Variants in PCDH9 observed in about 807,000 individuals in gnomAD.
PCDH9 encodes the protein protocadherin 9, also known as protocadherin-9.
Under a neutral mutation model 70.6 loss-of-function variants are expected in PCDH9, and 24 were observed. The ratio of observed to expected loss-of-function variants is 0.34; its 90% confidence interval spans 0.25 to 0.48. The LOEUF is 0.48. Among genes scored for constraint, PCDH9 ranks in the 20% least tolerant of loss-of-function variants. The pLI, the probability that PCDH9 is intolerant of heterozygous loss-of-function variation, is 0.99. For synonymous variants in PCDH9, 562 were observed against 558.5 expected, an observed-to-expected ratio of 1.01 and a Z score of -0.09; for missense variants, 1,281 against 1,503.6, an observed-to-expected ratio of 0.85 and a Z score of 2.45.
In PCDH9 at chr13:66,617,869, A is replaced by T. The variant is rs548653214; in HGVS notation, c.3340+13341T>A. Reference sequence around the variant, plus strand: ...GGGACCTCAGACTGCCGTTTCCACAAAACGGCGTCCCCTGTCAGCAGGAAG... The same window carrying T: ...GGGACCTCAGACTGCCGTTTCCACATAACGGCGTCCCCTGTCAGCAGGAAG... On this transcript the variant is annotated intron_variant, in intron 4 of 4. Coordinates refer to ENST00000377865, the MANE Select transcript of PCDH9 (RefSeq NM_203487.3). Among the ~76,000 whole-genome samples, 201 of 152,310 alleles carry T rather than the reference A, an allele frequency of 1.3e-3. 1 individual carries two copies. Among genetic ancestry groups the T allele is most frequent in the African/African-American group, 4.6e-3 (192 of 41,572 alleles).
chr13:67,181,221 A>G (rs1476911626), intron 2 of PCDH9, among the ~76,000 whole-genome samples: 1 of 152,176 alleles, frequency 6.6e-6, no homozygotes, highest in African/African-American at 2.4e-5. Flanking sequence ...GGGATTTATT[A>G]TTGAAATTTA....
rs199856609 is a variant in PCDH9 at position 66,652,503 on chromosome 13, A to AG, written c.3139-21093_3139-21092insC. Among the ~76,000 whole-genome samples, 1,082 of 152,158 alleles carry AG rather than the reference A, an allele frequency of 7.1e-3. 14 individuals are homozygous for AG. Among genetic ancestry groups the AG allele is most frequent in the African/African-American group, 0.025 (1,038 of 41,564 alleles). On this transcript the variant is annotated intron_variant, in intron 3 of 4. Transcript: ENST00000377865. ...AGAGGTCACACAAAAAAGGAAAGATATCTATGTTCATGAATTGGAAGAATC... is the reference window on the plus strand; with the variant it reads ...AGAGGTCACACAAAAAAGGAAAGATAGTCTATGTTCATGAATTGGAAGAATC...
chr13:66,777,846 G>A (rs186905952), intron 3 of PCDH9, among the ~76,000 whole-genome samples: 36 of 152,090 alleles, frequency 2.4e-4, no homozygotes, highest in African/African-American at 3.4e-4. Flanking sequence ...TGTTTCTTGC[G>A]GCACTATTCA....
chr13:66,368,626 G>C (rs565627040), intron 4 of PCDH9, among the ~76,000 whole-genome samples: 1 of 151,928 alleles, frequency 6.6e-6, no homozygotes, highest in South Asian at 2.1e-4. Context: ...TATATGGCTA[G>C]AGAGCAAATG....
intron 3 of PCDH9, among the ~76,000 whole-genome samples, chr13:66,703,626 G>C (rs1315380821): frequency 6.6e-6 from 1 of 152,146 alleles, no homozygotes; most frequent in Non-Finnish European, 1.5e-5. Context: ...TGCAGGGCGT[G>C]GTGGCTCATG....
At chr13:66,757,202 C>CTA (rs1487052483) in intron 3 of PCDH9, among the ~76,000 whole-genome samples, 1 of 152,170 alleles carries the variant, frequency 6.6e-6, no homozygotes, top group African/African-American at 2.4e-5. Flanking sequence ...CCTCTGTCTT[C>CTA]TAGAGCAACT....
chr13:66,661,309 T>C (rs2078005447), intron 3 of PCDH9, among the ~76,000 whole-genome samples: 1 of 152,202 alleles, frequency 6.6e-6, no homozygotes, highest in South Asian at 2.1e-4. Flanking sequence ...GCTAGGAGGA[T>C]GAGTGTCCTT....
intron 2 of PCDH9, among the ~76,000 whole-genome samples, chr13:66,961,833 A>C (rs1028691074): frequency 3.3e-5 from 5 of 151,940 alleles, no homozygotes; most frequent in Admixed American, 1.3e-4. Flanking sequence ...CGGGTGGCTC[A>C]CGAGATCAGG....
Position 66,507,457 on chromosome 13 carries a change from G to A in PCDH9, c.3340+123753C>T, listed in dbSNP as rs138469735. On this transcript the variant is annotated intron_variant, in intron 4 of 4. Transcript: ENST00000377865. ...TTATGCCACCCCTCTACTGTTTCTG[G>A]CCTATCCCATTTATCTCCTTTGTCA... is the stretch of plus-strand genomic sequence containing the variant. Among the ~76,000 whole-genome samples the A allele has an allele frequency of 2.6e-5, 4 of 152,152 alleles. No individual in the cohort carries two copies. In the East Asian group the frequency reaches 7.7e-4, roughly 29 times the overall value.
intron 4 of PCDH9, among the ~76,000 whole-genome samples, chr13:66,371,458 T>C (rs1309743119): frequency 6.6e-6 from 1 of 152,114 alleles, no homozygotes; most frequent in Non-Finnish European, 1.5e-5. Context: ...TTTCAAGGGA[T>C]ATATCTTTAG....
At chr13:66,456,831 C>CA (rs369666097) in intron 4 of PCDH9, among the ~76,000 whole-genome samples, 28 of 151,066 alleles carry the variant, frequency 1.9e-4, no homozygotes, top group Non-Finnish European at 3.2e-4. Flanking sequence ...GTGATTAGAC[C>CA]AAAAAAAATA....
intron 4 of PCDH9, among the ~76,000 whole-genome samples, chr13:66,495,897 T>C (rs1959108797): frequency 6.6e-6 from 1 of 152,220 alleles, no homozygotes; most frequent in African/African-American, 2.4e-5. Flanking sequence ...CAAATGACTC[T>C]ACTCATCTTT....
intron 2 of PCDH9, among the ~76,000 whole-genome samples, chr13:66,963,052 C>T (rs1462002001): frequency 6.6e-6 from 1 of 152,024 alleles, no homozygotes; most frequent in African/African-American, 2.4e-5. Flanking sequence ...AGGCACACAA[C>T]CTAGAACCCT....
Position 66,739,380 on chromosome 13 carries a change from C to G in PCDH9, c.3139-107969G>C, listed in dbSNP as rs2079216163. Among the ~76,000 whole-genome samples, 3 of 150,192 alleles carry G rather than the reference C, an allele frequency of 2.0e-5. No homozygotes were observed. The Admixed American group carries it at 2.0e-4, about 10-fold the overall frequency. ...AAGGAACAACCGGTACCAGCCGCTG[C>G]AAAATCATGCCAAAATATAAAGACC... On this transcript the variant is annotated intron_variant, in intron 3 of 4. Coordinates refer to ENST00000377865, the MANE Select transcript of PCDH9 (RefSeq NM_203487.3).
At chr13:67,058,357 T>C (rs1423869706) in intron 2 of PCDH9, among the ~76,000 whole-genome samples, 1 of 152,082 alleles carries the variant, frequency 6.6e-6, no homozygotes, top group Non-Finnish European at 1.5e-5. Context: ...ACACTCCTTA[T>C]CTTATTATAG....
intron 3 of PCDH9, among the ~76,000 whole-genome samples, chr13:66,738,523 T>C (rs981328106): frequency 4.3e-5 from 6 of 139,280 alleles, no homozygotes; most frequent in African/African-American, 1.6e-4. Context: ...AGAAGAAGGC[T>C]TCAGACGATC....
Position 66,450,787 on chromosome 13 carries a change from G to A in PCDH9, c.3341-145759C>T, listed in dbSNP as rs765016634. Among the ~76,000 whole-genome samples the A allele has an allele frequency of 1.1e-4, 17 of 152,244 alleles. No individual in the cohort carries two copies. In the East Asian group the frequency reaches 2.5e-3, roughly 23 times the overall value. On this transcript the variant is annotated intron_variant, in intron 4 of 4. Coordinates refer to ENST00000377865, the MANE Select transcript of PCDH9 (RefSeq NM_203487.3). ...TCCCAGCACTTTGGGAGGCCGAGGCGGGCAGATCACGAGGTCAGGAGATCA... is the reference window on the plus strand; with the variant it reads ...TCCCAGCACTTTGGGAGGCCGAGGCAGGCAGATCACGAGGTCAGGAGATCA...
Position 67,227,530 on chromosome 13 carries a change from G to T in PCDH9, c.911C>A (p.Ala304Asp). 1.2e-6 allele frequency: 2 copies of T among 1,613,700 alleles called. No individual in the cohort carries two copies. The highest frequency in any genetic ancestry group is 1.7e-6 in the Non-Finnish European group (2 of 1,179,652). The change falls in exon 2 of 5, where the codon GCT (alanine) becomes GAT (aspartate). Residue 304 changes from alanine to aspartate, a missense_variant. By Grantham distance (126) the Ala-to-Asp change is moderately radical (BLOSUM62 -2). Around this residue, in one of 4 missense-constraint regions of PCDH9, gnomAD observed 798 missense variants for 1,003.1 expected, o/e 0.80. Coordinates refer to ENST00000377865, the MANE Select transcript of PCDH9 (RefSeq NM_203487.3). The surrounding 1 kb of genome is among the most constrained non-coding windows in gnomAD (Gnocchi z 4.6). ...QVAPATKRLFALNNTTGLITV... is the reference protein window; with the variant it reads ...QVAPATKRLFDLNNTTGLITV... ...AATCAGCCCAGTAGTATTATTTAAA[G>T]CAAAGAGTCTTTTGGTTGCAGGGGC...
chr13:66,401,629 C>T (rs919627603), intron 4 of PCDH9, among the ~76,000 whole-genome samples: 6 of 152,088 alleles, frequency 3.9e-5, no homozygotes, highest in Admixed American at 2.6e-4. Context: ...CCTCACTAAC[C>T]GAGATCCCTT....
Sources: gnomAD v4.1 joint callset for allele counts (sites outside exome capture counted in the v4.1 genomes callset) on GRCh38, gnomAD v4.1.1 for gene constraint, gnomAD v4.1.1 regional missense constraint, Gnocchi (gnomAD v3.1) non-coding constraint, MANE v1.5 for transcripts, NCBI Gene and HGNC (gene_info 2026-07-23, HGNC 2026-07-21) for gene names.